BTBD2: variants seen among roughly 807,000 people sequenced by gnomAD.
The protein encoded by BTBD2 is BTB/POZ domain-containing protein 2.
In BTBD2, 15 loss-of-function variants were observed where a neutral mutation model predicts 44.0. The ratio of observed to expected loss-of-function variants is 0.34; its 90% CI spans 0.23 to 0.53. The LOEUF (loss-of-function observed/expected upper bound fraction) is 0.53. BTBD2 is among the 20% of genes least tolerant of loss of function. BTBD2 has a pLI of 0.95. For missense variants in BTBD2, 657 were observed against 746.4 expected (o/e 0.88, Z 1.39); for synonymous variants, 443 against 335.9 (o/e 1.32, Z -3.49).
chr19:2,008,453 G>C (rs541112977), intron 1 of BTBD2, among the ~76,000 whole-genome samples: 8 of 151,270 alleles, frequency 5.3e-5, no homozygotes, highest in African/African-American at 1.9e-4. Context: ...ACCATGCCTG[G>C]GTACTTTTTG....
chr19:2,015,062 G>A (rs1294171933), intron 1 of BTBD2, among the ~76,000 whole-genome samples: 1 of 150,056 alleles, frequency 6.7e-6, no homozygotes, highest in East Asian at 2.0e-4. Context: ...GGGTGCAGGG[G>A]TCCCAGGGAC....
intron 1 of BTBD2, among the ~76,000 whole-genome samples, chr19:2,004,226 A>G (rs1420543317): frequency 6.6e-6 from 1 of 151,828 alleles, no homozygotes; most frequent in Non-Finnish European, 1.5e-5. Context: ...CCCTGGGAAC[A>G]TACCGTCAGG....
At chr19:1,989,172 T>C (rs1299504391) in intron 5 of BTBD2, among the ~76,000 whole-genome samples, 1 of 152,170 alleles carries the variant, frequency 6.6e-6, no homozygotes, top group Non-Finnish European at 1.5e-5. Context: ...GATGGGAGGA[T>C]GGCTGGAGCC....
At chr19:1,987,749 C>T (rs2016112839) in intron 5 of BTBD2, 57 bp from the exon 6 acceptor site, 2 of 1,484,622 alleles carry the variant, frequency 1.3e-6, no homozygotes, top group South Asian at 1.3e-5. Context: ...ATCCCGAGTG[C>T]CTGGGAGGAC....
rs973732942 is a variant in BTBD2 at position 1,989,992 on chromosome 19, G to A, written c.988+12C>T. On this transcript the variant is annotated intron_variant, in intron 5 of 8. Transcript: ENST00000255608. ...CCCTCCCAAACCAGCCCCTGAGCCCGAGCTCTGTTACCTGCAGCGAACTCC... is the reference window on the plus strand; with the variant it reads ...CCCTCCCAAACCAGCCCCTGAGCCCAAGCTCTGTTACCTGCAGCGAACTCC... 1.1e-5 allele frequency: 18 copies of A among 1,612,390 alleles called. No individual in the cohort carries two copies. Among genetic ancestry groups the A allele is most frequent in the Non-Finnish European group, 1.4e-5 (16 of 1,179,720 alleles).
intron 1 of BTBD2, among the ~76,000 whole-genome samples, chr19:2,004,831 AT>A (rs1050793677): frequency 2.0e-5 from 3 of 149,252 alleles, no homozygotes; most frequent in African/African-American, 4.9e-5. Context: ...AAAAATTATT[AT>A]TTTTTTTTAG....
rs1357003051 is a variant in BTBD2 at position 1,987,698 on chromosome 19, G to A, written c.989-6C>T. 1.3e-6 allele frequency: 2 copies of A among 1,584,152 alleles called. No individual in the cohort carries two copies. The highest frequency in any genetic ancestry group is 1.7e-6 in the Non-Finnish European group (2 of 1,162,138). On this transcript the variant is annotated splice_region_variant and splice_polypyrimidine_tract_variant and intron_variant, in intron 5 of 8. Transcript: ENST00000255608. ...GATGCCCGACTGTGCGGGACCTGCA[G>A]CACAGGGAGGGTGTGGGGGAGGGCC...
intron 2 of BTBD2, among the ~76,000 whole-genome samples, chr19:1,993,911 C>T (rs142984738): frequency 0.026 from 3,581 of 139,580 alleles, 75 homozygotes; most frequent in East Asian, 0.098. Context: ...GCAAGAGAAT[C>T]GCTTGAACCT....
intron 1 of BTBD2, among the ~76,000 whole-genome samples, chr19:2,008,996 T>C (rs1352651281): frequency 1.3e-5 from 2 of 150,200 alleles, no homozygotes; most frequent in African/African-American, 4.9e-5. Flanking sequence ...GTCAATGAAA[T>C]GTGAGACCCC....
At chr19:2,009,070 G>A (rs574175782) in intron 1 of BTBD2, among the ~76,000 whole-genome samples, 1 of 150,604 alleles carries the variant, frequency 6.6e-6, no homozygotes. Context: ...CCAGGCTGAA[G>A]TGCAGTGGCA....
At chr19:2,010,588 C>A (rs914862974) in intron 1 of BTBD2, among the ~76,000 whole-genome samples, 3 of 152,228 alleles carry the variant, frequency 2.0e-5, no homozygotes, top group East Asian at 1.9e-4. Context: ...CTCTGCTCAT[C>A]GGTGAACTCC....
At chr19:1,991,484 AC>A (rs1464509577) in intron 3 of BTBD2, among the ~76,000 whole-genome samples, 1 of 152,138 alleles carries the variant, frequency 6.6e-6, no homozygotes, top group Non-Finnish European at 1.5e-5. Flanking sequence ...TGAGGCAGCC[AC>A]AAGATGAAGC....
chr19:1,990,370 A>C (rs1435587481), intron 4 of BTBD2, 169 bp from the exon 5 acceptor site: 2 of 699,530 alleles, frequency 2.9e-6, no homozygotes, highest in African/African-American at 3.7e-5. Flanking sequence ...TATCAACACA[A>C]GACCACGCCC....
At chr19:1,995,676 G>A (rs1427368798) in intron 2 of BTBD2, among the ~76,000 whole-genome samples, 6 of 147,856 alleles carry the variant, frequency 4.1e-5, no homozygotes, top group South Asian at 2.1e-4. Context: ...TCGCTCTGTC[G>A]CCCAGGCTGG....
chr19:2,013,761 A>G (rs1309249794), intron 1 of BTBD2: 3 of 842,664 alleles, frequency 3.6e-6, no homozygotes, highest in Non-Finnish European at 4.3e-6. Context: ...GATCCAGATC[A>G]TGTGCTGAGC....
chr19:2,004,684 G>A (rs1000334046), intron 1 of BTBD2, among the ~76,000 whole-genome samples: 1 of 150,102 alleles, frequency 6.7e-6, no homozygotes. Context: ...CCCCTGAGTC[G>A]AAAATAAAAT....
chr19:2,006,078 A>T (rs1413108433), intron 1 of BTBD2, among the ~76,000 whole-genome samples: 2 of 150,808 alleles, frequency 1.3e-5, no homozygotes, highest in Non-Finnish European at 2.9e-5. Context: ...ACAGAGTGAG[A>T]CCCTGTCTCT....
At chr19:2,009,154 G>A (rs1458518567) in intron 1 of BTBD2, among the ~76,000 whole-genome samples, 1 of 151,796 alleles carries the variant, frequency 6.6e-6, no homozygotes, top group African/African-American at 2.4e-5. Flanking sequence ...CAGTAGCTGG[G>A]GTTACAGGCG....
Position 2,015,677 on chromosome 19 carries a change from A to T in BTBD2, c.27T>A (p.Arg9=). 11 of 971,012 alleles carry T rather than the reference A, an allele frequency of 1.1e-5. No individual in the cohort carries two copies. Among genetic ancestry groups the T allele is most frequent in the Non-Finnish European group, 1.3e-5 (11 of 828,554 alleles). The allele number at this position is 971,012 out of a possible 1,614,324, so 60.1% of individuals were successfully genotyped here. The change falls in exon 1 of 9, where the codon CGT becomes CGA. Residue 9 remains arginine (R), a synonymous_variant. Transcript: ENST00000255608. ...CCCCGACCCCCGGCGGGCACGACGC[A>T]CGCCCGCCGCTCCCACCCGCCGCCA... MAAGGSGG[R]ASCPPGVGVG...
Sources: allele counts gnomAD v4.1 joint callset (sites outside exome capture counted in the v4.1 genomes callset), GRCh38; gene constraint gnomAD v4.1.1; transcripts MANE v1.5; gene names NCBI Gene and HGNC (gene_info 2026-07-23, HGNC 2026-07-21).